Variants in LATS2 observed in about 807,000 individuals in gnomAD.
The protein encoded by LATS2 is large tumor suppressor kinase 2, also known as serine/threonine-protein kinase LATS2.
LATS2 carries 24 observed loss-of-function variants against 76.0 expected under a neutral mutation model. The observed-to-expected ratio is 0.32, with a 90% CI of 0.23 to 0.44. The LOEUF (loss-of-function observed/expected upper bound fraction) is 0.44. Among genes scored for constraint, LATS2 ranks in the 20% least tolerant of loss-of-function variants. The pLI is 1.00. For missense variants in LATS2, 1,286 were observed against 1,481.2 expected (o/e 0.87, Z 2.16); for synonymous variants, 692 against 635.4 (o/e 1.09, Z -1.34).
At chr13:20,977,834 T>C (rs563590445) in intron 7 of LATS2, among the ~76,000 whole-genome samples, 1 of 152,280 alleles carries the variant, frequency 6.6e-6, no homozygotes, top group East Asian at 1.9e-4. Context: ...GCTCAGCCAT[T>C]CAATTAGGGC....
intron 6 of LATS2, 100 bp downstream of exon 6, chr13:20,981,366 T>C: frequency 9.1e-7 from 1 of 1,095,102 alleles, no homozygotes; most frequent in Admixed American, 2.5e-5. Flanking sequence ...AAAATATGAC[T>C]GGAAGCATTA....
intron 3 of LATS2, among the ~76,000 whole-genome samples, chr13:20,989,713 G>A (rs974668723): frequency 6.6e-6 from 1 of 152,152 alleles, no homozygotes; most frequent in Middle Eastern, 3.2e-3. Context: ...ACCGACACAC[G>A]GTTCCCAAAG....
rs191419306 is a variant in LATS2, at chr13:21,007,281, C to T, written c.343-15877G>A. On this transcript the variant is annotated intron_variant, in intron 2 of 7. Transcript: ENST00000382592. ...TAAAATCCAACCATTTTGTTTAAAA[C>T]TTGGCTGTTACCCTACCAATTGGAA... Among the ~76,000 whole-genome samples the T allele has an allele frequency of 1.1e-3, 165 of 151,386 alleles. 1 individual carries two copies. The highest frequency in any genetic ancestry group is 0.01 in the Middle Eastern group (3 of 294).
intron 3 of LATS2, among the ~76,000 whole-genome samples, chr13:20,990,266 A>C (rs1870448642): frequency 6.6e-6 from 1 of 151,990 alleles, no homozygotes; most frequent in African/African-American, 2.4e-5. Context: ...AGGCCTCAAA[A>C]CTGGAAGAAT....
intron 2 of LATS2, among the ~76,000 whole-genome samples, chr13:21,031,917 C>G (rs1370269027): frequency 6.6e-6 from 1 of 152,130 alleles, no homozygotes. Context: ...TGACACATTT[C>G]CCTTTCATTG....
chr13:21,008,589 C>G (rs1322607362), intron 2 of LATS2, among the ~76,000 whole-genome samples: 1 of 152,102 alleles, frequency 6.6e-6, no homozygotes, highest in Non-Finnish European at 1.5e-5. Context: ...TAAATAGTCA[C>G]AAGAAGTCCA....
At chr13:21,007,630 A>ATAG (rs1871356640) in intron 2 of LATS2, among the ~76,000 whole-genome samples, 1 of 620 alleles carries the variant, frequency 1.6e-3, no homozygotes, top group African/African-American at 2.0e-3. Context: ...TAGTGTATAT[A>ATAG]TATATATATA....
rs1218658500 is a variant in LATS2 at position 20,983,615 on chromosome 13, C to T, written c.2091G>A (p.Lys697=). 3 of 1,614,110 alleles carry T rather than the reference C, an allele frequency of 1.9e-6. No homozygotes were observed. The South Asian group carries it at 3.3e-5, about 18-fold the overall frequency. Residue 697 remains lysine (K), a synonymous_variant, in exon 5 of 8, where the codon AAG becomes AAA. Coordinates refer to ENST00000382592, the MANE Select transcript of LATS2 (RefSeq NM_014572.3). The part of the protein sequence containing the change: ...KVDTHALYAM[K]TLRKKDVLNR... ...TCAGGACATCCTTTTTCCTTAGGGT[C>T]TTCATGGCGTACAGGGCGTGAGTGT...
At chr13:21,027,261 G>A (rs1872344150) in intron 2 of LATS2, among the ~76,000 whole-genome samples, 1 of 152,128 alleles carries the variant, frequency 6.6e-6, no homozygotes, top group African/African-American at 2.4e-5. Flanking sequence ...TGAATTTTGT[G>A]TTGGATCTAA....
At chr13:21,059,345 C>T (rs58182630) in intron 1 of LATS2, among the ~76,000 whole-genome samples, 1,837 of 152,264 alleles carry the variant, frequency 0.012, 35 homozygotes, top group African/African-American at 0.041. Flanking sequence ...CGCCTGTAAT[C>T]CCAGCAGTTT....
chr13:21,051,064 G>A (rs1873259399), intron 1 of LATS2, among the ~76,000 whole-genome samples: 1 of 152,268 alleles, frequency 6.6e-6, no homozygotes, highest in African/African-American at 2.4e-5. Flanking sequence ...CCCTCTAGAA[G>A]ATGTGTGACG....
Position 21,016,146 on chromosome 13 carries a change from T to C in LATS2, c.343-24742A>G, listed in dbSNP as rs894936333. Among the ~76,000 whole-genome samples, 2 of 151,648 alleles carry C rather than the reference T, an allele frequency of 1.3e-5. 1 individual carries two copies. The highest frequency in any genetic ancestry group is 4.2e-4 in the South Asian group (2 of 4,802). ...CTGAGATTATAGGCACTCGCCATCA[T>C]GCCCAGCTAATTTTTATTTTTGTAG... On this transcript the variant is annotated intron_variant, in intron 2 of 7. Transcript: ENST00000382592.
chr13:20,976,158 G>A (rs1565940097), intron 7 of LATS2, among the ~76,000 whole-genome samples: 1 of 152,202 alleles, frequency 6.6e-6, no homozygotes, highest in Non-Finnish European at 1.5e-5. Flanking sequence ...TGTGTCTACT[G>A]TGAAGACAAA....
chr13:21,055,065 G>A (rs7323242), intron 1 of LATS2, among the ~76,000 whole-genome samples: 104,643 of 152,184 alleles, frequency 0.69, 37,482 homozygotes, highest in East Asian at 0.86. Flanking sequence ...CAGTTTCATA[G>A]AGAATGAAAG....
intron 1 of LATS2, among the ~76,000 whole-genome samples, chr13:21,050,260 T>A (rs574114949): frequency 5.5e-4 from 83 of 152,066 alleles, no homozygotes; most frequent in African/African-American, 1.8e-3. Context: ...TAACATATAT[T>A]TTTTAAACTG....
intron 2 of LATS2, among the ~76,000 whole-genome samples, chr13:20,999,589 C>T (rs1159088247): frequency 1.3e-5 from 2 of 152,026 alleles, no homozygotes; most frequent in South Asian, 2.1e-4. Flanking sequence ...CCATCTCAGC[C>T]TCCTGTAGTC....
intron 1 of LATS2, among the ~76,000 whole-genome samples, chr13:21,059,945 A>G (rs776066723): frequency 1.6e-4 from 24 of 152,230 alleles, no homozygotes; most frequent in Non-Finnish European, 3.1e-4. Context: ...AGCCTGGGAG[A>G]CAGAGCGAGA....
intron 2 of LATS2, among the ~76,000 whole-genome samples, chr13:21,043,060 G>A (rs758737831): frequency 3.4e-5 from 5 of 147,308 alleles, no homozygotes; most frequent in South Asian, 2.2e-4. Flanking sequence ...TCGGCCAGAC[G>A]TGGTGACGCA....
intron 2 of LATS2, among the ~76,000 whole-genome samples, chr13:21,044,887 C>A (rs1334985444): frequency 1.3e-5 from 2 of 151,956 alleles, no homozygotes; most frequent in Non-Finnish European, 2.9e-5. Context: ...CACACCACCA[C>A]GTCCAGCTTT....
Sources: gnomAD v4.1 joint callset for allele counts (sites outside exome capture counted in the v4.1 genomes callset) on GRCh38, gnomAD v4.1.1 for gene constraint, MANE v1.5 for transcripts, NCBI Gene and HGNC (gene_info 2026-07-23, HGNC 2026-07-21) for gene names.